Variants in NUDT3 observed in about 807,000 individuals in gnomAD.
The protein encoded by NUDT3 is nudix hydrolase 3.
Under a neutral mutation model 23.6 loss-of-function variants are expected in NUDT3, and 9 were observed. The ratio of observed to expected loss-of-function variants is 0.38; its 90% CI spans 0.23 to 0.66. The LOEUF is 0.66. Among genes scored for constraint, NUDT3 ranks in the 30% least tolerant of loss-of-function variants. The pLI, the probability that NUDT3 is intolerant of heterozygous loss-of-function variation, is 0.52. For synonymous variants in NUDT3, 86 were observed against 82.6 expected (o/e 1.04, Z -0.22); for missense variants, 172 against 218.5 (o/e 0.79, Z 1.34).
chr6:34,344,522 T>A (rs561515143), intron 1 of NUDT3, among the ~76,000 whole-genome samples: 1 of 152,252 alleles, frequency 6.6e-6, no homozygotes, highest in South Asian at 2.1e-4. Flanking sequence ...AGAAACCAGA[T>A]TGGTGGTTAC....
chr6:34,312,520 G>A (rs74572169), intron 2 of NUDT3, among the ~76,000 whole-genome samples: 14,570 of 151,962 alleles, frequency 0.096, 804 homozygotes, highest in Non-Finnish European at 0.12. Context: ...ATGATACAGC[G>A]ACATTGGCAG....
chr6:34,323,613 G>A (rs1449450434), intron 2 of NUDT3, among the ~76,000 whole-genome samples: 3 of 151,898 alleles, frequency 2.0e-5, no homozygotes, highest in African/African-American at 4.8e-5. Flanking sequence ...GAAGCGAAGC[G>A]AAGCGAAGAG....
chr6:34,375,962 G>A (rs1561923150), intron 1 of NUDT3, among the ~76,000 whole-genome samples: 1 of 152,124 alleles, frequency 6.6e-6, no homozygotes, highest in South Asian at 2.1e-4. Flanking sequence ...CAGGCCCTAC[G>A]CTCAGTTTTG....
chr6:34,382,766 G>A (rs1765043241), intron 1 of NUDT3, among the ~76,000 whole-genome samples: 1 of 151,930 alleles, frequency 6.6e-6, no homozygotes, highest in Non-Finnish European at 1.5e-5. Context: ...AGGAGGTCAA[G>A]GCTGCAGTTA....
intron 2 of NUDT3, among the ~76,000 whole-genome samples, chr6:34,337,224 G>T: frequency 6.6e-6 from 1 of 152,112 alleles, no homozygotes; most frequent in East Asian, 1.9e-4. Flanking sequence ...GAGATATGAT[G>T]ATATGATTCT....
chr6:34,293,586 A>G, intron 3 of NUDT3, 51 bp from the exon 4 acceptor site: 1 of 1,605,232 alleles, frequency 6.2e-7, no homozygotes, highest in East Asian at 2.2e-5. Flanking sequence ...AGAAAGCTGG[A>G]ATTACTTAAA....
chr6:34,375,079 G>A (rs1581898443), intron 1 of NUDT3, among the ~76,000 whole-genome samples: 3 of 152,162 alleles, frequency 2.0e-5, no homozygotes, highest in Non-Finnish European at 4.4e-5. Flanking sequence ...GGGCGCTGTG[G>A]CTCATGCCTG....
chr6:34,357,842 C>A (rs185517620), intron 1 of NUDT3, among the ~76,000 whole-genome samples: 19 of 152,208 alleles, frequency 1.2e-4, no homozygotes, highest in African/African-American at 3.4e-4. Flanking sequence ...TCTTCTATAA[C>A]TTGAATTAGC....
intron 2 of NUDT3, among the ~76,000 whole-genome samples, chr6:34,305,728 A>G (rs1171284431): frequency 6.6e-6 from 1 of 152,204 alleles, no homozygotes; most frequent in African/African-American, 2.4e-5. Context: ...GTGCTTTCAC[A>G]GCTCTTCTGC....
rs1581909835 is a variant in NUDT3, at chr6:34,392,586, G to A, written c.-224C>T. The stretch of plus-strand genomic sequence containing the variant: ...CACCGTCACGGCTGCCGTCTCCGCT[G>A]CCGCCAGGGCCGCCGCCCCCTCTGC... On this transcript the variant is annotated 5_prime_UTR_variant, in exon 1 of 5. Transcript: ENST00000607016. The A allele has an allele frequency of 3.2e-6, 1 of 315,402 alleles. No homozygotes were observed. The highest frequency in any genetic ancestry group is 5.8e-6 in the Non-Finnish European group (1 of 173,446). 19.5% of individuals were successfully genotyped at this position (315,402 alleles called of 1,614,324 possible).
At chr6:34,328,299 T>C (rs1764073386) in intron 2 of NUDT3, among the ~76,000 whole-genome samples, 1 of 152,170 alleles carries the variant, frequency 6.6e-6, no homozygotes, top group South Asian at 2.1e-4. Flanking sequence ...AAAAATTATA[T>C]ACATTTACGG....
intron 1 of NUDT3, among the ~76,000 whole-genome samples, chr6:34,376,173 CTTCTA>C (rs1764919400): frequency 6.6e-6 from 1 of 152,240 alleles, no homozygotes; most frequent in African/African-American, 2.4e-5. Context: ...ACCAACCTCT[CTTCTA>C]AATTTCCATT....
chr6:34,378,542 G>A (rs1421808645), intron 1 of NUDT3, among the ~76,000 whole-genome samples: 1 of 152,186 alleles, frequency 6.6e-6, no homozygotes, highest in Admixed American at 6.5e-5. Context: ...CAAATGCTCA[G>A]AATATTGGAG....
At chr6:34,382,242 A>T (rs1420219872) in intron 1 of NUDT3, among the ~76,000 whole-genome samples, 1 of 151,868 alleles carries the variant, frequency 6.6e-6, no homozygotes, top group Non-Finnish European at 1.5e-5. Context: ...CAAAAAATAA[A>T]AAAAATATAT....
At chr6:34,341,316 T>C (rs996682184) in intron 2 of NUDT3, among the ~76,000 whole-genome samples, 11 of 152,082 alleles carry the variant, frequency 7.2e-5, no homozygotes, top group South Asian at 4.1e-4. Flanking sequence ...CTGGAGTATC[T>C]AGTAGGATAT....
intron 2 of NUDT3, among the ~76,000 whole-genome samples, chr6:34,297,093 G>A (rs1169120748): frequency 2.0e-5 from 3 of 151,608 alleles, no homozygotes; most frequent in Non-Finnish European, 4.4e-5. Context: ...CACCACGCCC[G>A]GCTAATTTTT....
intron 2 of NUDT3, among the ~76,000 whole-genome samples, chr6:34,339,959 A>T (rs1489231846): frequency 6.6e-6 from 1 of 152,252 alleles, no homozygotes; most frequent in Non-Finnish European, 1.5e-5. Context: ...TAGTTTAAAC[A>T]TGGAACCGAC....
chr6:34,381,340 T>C (rs991776558), intron 1 of NUDT3, among the ~76,000 whole-genome samples: 5 of 152,144 alleles, frequency 3.3e-5, no homozygotes, highest in African/African-American at 1.2e-4. Flanking sequence ...GCCAGTAGAC[T>C]GAAGCTCAGA....
chr6:34,344,881 G>C (rs1764340559), intron 1 of NUDT3, among the ~76,000 whole-genome samples: 1 of 151,984 alleles, frequency 6.6e-6, no homozygotes, highest in South Asian at 2.1e-4. Context: ...TCGATCTCCT[G>C]ACCTCATGAT....
Sources: gnomAD v4.1 joint callset for allele counts (sites outside exome capture counted in the v4.1 genomes callset) on GRCh38, gnomAD v4.1.1 for gene constraint, MANE v1.5 for transcripts, NCBI Gene and HGNC (gene_info 2026-07-23, HGNC 2026-07-21) for gene names.